DENND2A: variants seen among roughly 807,000 people sequenced by gnomAD.
DENND2A encodes DENN domain containing 2A.
In DENND2A, 53 loss-of-function variants were observed where a neutral mutation model predicts 105.3. The observed-to-expected ratio is 0.50, with a 90% CI of 0.40 to 0.63. The LOEUF (loss-of-function observed/expected upper bound fraction) is 0.63. Ranked by LOEUF, DENND2A falls within the 30% of genes least tolerant of loss-of-function variation. DENND2A has a pLI of 0.00. For synonymous variants in DENND2A, 522 were observed against 508.4 expected (o/e 1.03, Z -0.36); for missense variants, 1,138 against 1,279.6 (o/e 0.89, Z 1.69).
rs891986179 is a variant in DENND2A at position 140,559,656 on chromosome 7, C to G, written c.1889+52G>C. ...TGGTCTGCCACCTGTAACCCCGTCTCTAAGTCTCGCCTTAGTCTTTGGGGC... is the reference window on the plus strand; with the variant it reads ...TGGTCTGCCACCTGTAACCCCGTCTGTAAGTCTCGCCTTAGTCTTTGGGGC... On this transcript the variant is annotated intron_variant, in intron 10 of 19. Coordinates refer to ENST00000496613, the MANE Select transcript of DENND2A (RefSeq NM_015689.5). The surrounding 1 kb of genome is among the most constrained non-coding windows in gnomAD (Gnocchi z 4.1). 2.9e-6 allele frequency: 4 copies of G among 1,380,272 alleles called. No individual in the cohort carries two copies. In the African/African-American group the frequency reaches 5.7e-5, roughly 20 times the overall value. 85.5% of individuals were successfully genotyped at this position (1,380,272 alleles called of 1,614,324 possible).
intron 14 of DENND2A, among the ~76,000 whole-genome samples, chr7:140,534,917 G>A (rs1796405790): frequency 1.3e-5 from 2 of 152,218 alleles, no homozygotes; most frequent in Non-Finnish European, 2.9e-5. Context: ...GGGCATGGGT[G>A]AGAAGGGTTG....
intron 1 of DENND2A, among the ~76,000 whole-genome samples, chr7:140,616,761 A>C (rs1400052926): frequency 6.6e-6 from 1 of 152,188 alleles, no homozygotes; most frequent in African/African-American, 2.4e-5. Context: ...TAGTAATAAG[A>C]GTTGCTGGCC....
At chr7:140,602,790 T>A (rs1799563956) in intron 2 of DENND2A, among the ~76,000 whole-genome samples, 1 of 149,812 alleles carries the variant, frequency 6.7e-6, no homozygotes. Context: ...CTGGGCAACA[T>A]AACAAGACCC....
chr7:140,554,314 A>G (rs1797272073), intron 12 of DENND2A, among the ~76,000 whole-genome samples: 1 of 152,092 alleles, frequency 6.6e-6, no homozygotes, highest in Admixed American at 6.6e-5. Context: ...AAGCTCAGAC[A>G]GAGCTATATA....
At chr7:140,522,175 G>C (rs1442737584) in intron 17 of DENND2A, 75 bp from the exon 18 acceptor site, 2 of 1,559,830 alleles carry the variant, frequency 1.3e-6, no homozygotes, top group Admixed American at 3.7e-5. Flanking sequence ...CAAGCCAATT[G>C]GTAATCAAAG....
chr7:140,553,597 G>A (rs1282428374), intron 12 of DENND2A, among the ~76,000 whole-genome samples: 1 of 152,152 alleles, frequency 6.6e-6, no homozygotes, highest in Non-Finnish European at 1.5e-5. Flanking sequence ...ATCCCATGAG[G>A]AGAAATCTTG....
chr7:140,585,143 C>T (rs913751010), intron 5 of DENND2A, among the ~76,000 whole-genome samples: 9 of 152,106 alleles, frequency 5.9e-5, no homozygotes, highest in Admixed American at 1.3e-4. Flanking sequence ...GGCTGCAGTG[C>T]GCCGTGATTG....
chr7:140,540,550 C>T (rs564363778), intron 14 of DENND2A, among the ~76,000 whole-genome samples: 25 of 152,336 alleles, frequency 1.6e-4, no homozygotes, highest in African/African-American at 5.5e-4. Context: ...GCAGGGTCCA[C>T]TCTCGGCCAC....
At chr7:140,623,522 G>C (rs1800381183) in intron 1 of DENND2A, among the ~76,000 whole-genome samples, 1 of 151,658 alleles carries the variant, frequency 6.6e-6, no homozygotes, top group Admixed American at 6.6e-5. Context: ...GAGGTCAGGA[G>C]TTCGAGACCA....
intron 1 of DENND2A, among the ~76,000 whole-genome samples, chr7:140,639,454 ACACACTCG>A (rs1801094969): frequency 6.6e-6 from 1 of 151,954 alleles, no homozygotes; most frequent in African/African-American, 2.4e-5. Context: ...ACACACACAC[ACACACTCG>A]CACACTCACA....
chr7:140,601,519 TTTC>T lies in DENND2A; in HGVS notation c.876_878del (p.Lys293del). On this transcript the variant is annotated inframe_deletion, in exon 3 of 20. Transcript: ENST00000496613. ...GAGAGGGCAGAGGAGGCAGATTTCT[TTTC>T]TCTTTCCTGAAGCCGATGCCAGGCT... 6.2e-7 allele frequency: 1 copy of T among 1,614,124 alleles called. No homozygotes were observed. Among genetic ancestry groups the T allele is most frequent in the South Asian group, 1.1e-5 (1 of 91,082 alleles).
At chr7:140,549,832 C>T (rs903093510) in intron 12 of DENND2A, among the ~76,000 whole-genome samples, 4 of 151,872 alleles carry the variant, frequency 2.6e-5, no homozygotes, top group Non-Finnish European at 5.9e-5. Context: ...ATGGCCACAA[C>T]GTGGAAACAA....
chr7:140,617,498 G>A (rs1263971266), intron 1 of DENND2A, among the ~76,000 whole-genome samples: 2 of 152,132 alleles, frequency 1.3e-5, no homozygotes, highest in African/African-American at 2.4e-5. Context: ...GCCGAGGCGG[G>A]TGGATCACTT....
In DENND2A at chr7:140,586,850, C is replaced by T. The variant is rs143203000; in HGVS notation, c.1123+803G>A. On this transcript the variant is annotated intron_variant, in intron 4 of 19. Transcript: ENST00000496613. The stretch of plus-strand genomic sequence containing the variant: ...TCTAGTATTGATGATTACATGCCAG[C>T]ATGTCTGCATATATCCACCCTACCT... 3.2e-3 allele frequency among the ~76,000 whole-genome samples: 492 copies of T among 152,300 alleles called. 1 individual carries two copies. The highest frequency in any genetic ancestry group is 4.8e-3 in the Non-Finnish European group (329 of 68,012).
chr7:140,574,737 G>T (rs1798234553), intron 5 of DENND2A, among the ~76,000 whole-genome samples: 1 of 152,122 alleles, frequency 6.6e-6, no homozygotes, highest in Non-Finnish European at 1.5e-5. Context: ...AAAGTCAAAA[G>T]GCTGGCCAGG....
chr7:140,591,797 C>G (rs1427711995), intron 3 of DENND2A, among the ~76,000 whole-genome samples: 1 of 133,208 alleles, frequency 7.5e-6, no homozygotes, highest in African/African-American at 3.2e-5. Flanking sequence ...CTTTTCTTTT[C>G]TTTCTTTCTT....
At chr7:140,572,562 A>C (rs1456510374) in intron 6 of DENND2A, among the ~76,000 whole-genome samples, 1 of 151,462 alleles carries the variant, frequency 6.6e-6, no homozygotes, top group Non-Finnish European at 1.5e-5. Flanking sequence ...GCAGTTCGAG[A>C]CCAGCCTGGT....
intron 5 of DENND2A, 105 bp downstream of exon 5, chr7:140,585,484 C>G: frequency 6.7e-7 from 1 of 1,494,032 alleles, no homozygotes; most frequent in East Asian, 2.3e-5. Flanking sequence ...CCCGGCAGGG[C>G]AGGTGGAGGT....
rs939259478 is a variant in DENND2A, at chr7:140,640,167, G to A, written c.-248+337C>T. On this transcript the variant is annotated intron_variant, in intron 1 of 19. Transcript: ENST00000496613. This position sits in a 1 kb window ranked among gnomAD's most constrained non-coding sequence, Gnocchi z 4.9. ...CACACAAGCGCGCACACACACACACGCGCGCGCGCGGACACACACACACTC... is the reference window on the plus strand; with the variant it reads ...CACACAAGCGCGCACACACACACACACGCGCGCGCGGACACACACACACTC... 1.5e-4 allele frequency: 23 copies of A among 152,098 alleles called. No individual in the cohort carries two copies. The highest frequency in any genetic ancestry group is 6.6e-4 in the Admixed American group (10 of 15,158). 9.4% of individuals were successfully genotyped at this position (152,098 alleles called of 1,614,324 possible).
Sources: allele counts gnomAD v4.1 joint callset (sites outside exome capture counted in the v4.1 genomes callset), GRCh38; gene constraint gnomAD v4.1.1; non-coding constraint Gnocchi (gnomAD v3.1); transcripts MANE v1.5; gene names NCBI Gene and HGNC (gene_info 2026-07-23, HGNC 2026-07-21).